Variants in MCPH1 observed in about 807,000 individuals in gnomAD.
The protein encoded by MCPH1 is microcephalin.
MCPH1 carries 104 observed loss-of-function variants against 84.5 expected under a neutral mutation model. That is an observed-to-expected ratio of 1.23 (90% CI 1.05 to 1.45). The LOEUF (loss-of-function observed/expected upper bound fraction) is 1.45, where lower values mean the gene tolerates loss of function less well. MCPH1 is among the 40% of genes most tolerant of loss of function. MCPH1 has a pLI of 0.00. For synonymous variants in MCPH1, 514 were observed against 366.8 expected (o/e 1.40, Z -4.58); for missense variants, 1,498 against 1,005.7 (o/e 1.49, Z -6.62).
At chr8:6,630,755 T>C (rs1797096899) in intron 13 of MCPH1, among the ~76,000 whole-genome samples, 1 of 140,640 alleles carries the variant, frequency 7.1e-6, no homozygotes, top group Admixed American at 7.5e-5. Flanking sequence ...CACTCCAGCC[T>C]GGGCAACTAG....
Position 6,442,155 on chromosome 8 carries a change from A to G in MCPH1, c.669A>G (p.Ser223=). 6.3e-7 allele frequency: 1 copy of G among 1,597,738 alleles called. No individual in the cohort carries two copies. Among genetic ancestry groups the G allele is most frequent in the Non-Finnish European group, 8.6e-7 (1 of 1,165,294 alleles). ...ACATTTCACGTGATACTTTGTGTTC[A>G]GGTAAAATTTTTATTTTCCTTTCTG... ...PLNISRDTLC[S]DEYFAGGLHS... Residue 223 remains serine, a splice_region_variant and synonymous_variant, in exon 7 of 14, where the codon TCA becomes TCG. Coordinates refer to ENST00000344683, the MANE Select transcript of MCPH1 (RefSeq NM_024596.5).
At chr8:6,419,845 T>G (rs1388469223) in intron 3 of MCPH1, among the ~76,000 whole-genome samples, 2 of 152,112 alleles carry the variant, frequency 1.3e-5, no homozygotes, top group African/African-American at 4.8e-5. Flanking sequence ...TTCTTCAGTT[T>G]TGTGTTTGCT....
At chr8:6,581,926 A>G (rs1024812802) in intron 12 of MCPH1, among the ~76,000 whole-genome samples, 1 of 152,162 alleles carries the variant, frequency 6.6e-6, no homozygotes, top group Admixed American at 6.5e-5. Context: ...CCCTTTTATA[A>G]GGACACTAAT....
chr8:6,458,794 G>A (rs901444026), intron 9 of MCPH1, among the ~76,000 whole-genome samples: 1 of 152,136 alleles, frequency 6.6e-6, no homozygotes, highest in African/African-American at 2.4e-5. Context: ...ACAGGCACCC[G>A]CCAGCACGCC....
chr8:6,550,103 A>G (rs1401581058), intron 12 of MCPH1, among the ~76,000 whole-genome samples: 1 of 152,214 alleles, frequency 6.6e-6, no homozygotes, highest in Non-Finnish European at 1.5e-5. Context: ...CTTCAAAAGA[A>G]TTACATTTCA....
chr8:6,574,354 C>G (rs942538724), intron 12 of MCPH1, among the ~76,000 whole-genome samples: 1 of 151,990 alleles, frequency 6.6e-6, no homozygotes, highest in South Asian at 2.1e-4. Flanking sequence ...CCTGTCTACA[C>G]GGCCGTCTTT....
At chr8:6,573,844 C>T (rs1826854772) in intron 12 of MCPH1, among the ~76,000 whole-genome samples, 1 of 152,182 alleles carries the variant, frequency 6.6e-6, no homozygotes, top group South Asian at 2.1e-4. Context: ...ACTACAAGCT[C>T]ACCCTTTTGG....
intron 8 of MCPH1, chr8:6,445,995 A>G (rs1451212643): frequency 2.6e-5 from 25 of 979,204 alleles, no homozygotes; most frequent in Non-Finnish European, 2.8e-5. Context: ...TATCATAGAG[A>G]AAGTGTGAAA....
chr8:6,411,857 C>A (rs560895929), intron 2 of MCPH1, among the ~76,000 whole-genome samples: 1 of 152,150 alleles, frequency 6.6e-6, no homozygotes, highest in Non-Finnish European at 1.5e-5. Context: ...TAGAACTTAA[C>A]CCCCGTGGAT....
At chr8:6,489,346 C>G (rs991265276) in intron 11 of MCPH1, among the ~76,000 whole-genome samples, 18 of 151,874 alleles carry the variant, frequency 1.2e-4, no homozygotes, top group Non-Finnish European at 2.4e-4. Flanking sequence ...GAACGGCTAG[C>G]TAGCAACCTG....
At chr8:6,586,942 C>CA (rs1326936091) in intron 12 of MCPH1, among the ~76,000 whole-genome samples, 2 of 152,178 alleles carry the variant, frequency 1.3e-5, no homozygotes, top group Non-Finnish European at 2.9e-5. Flanking sequence ...GCTCTGCTAA[C>CA]AGAGTGCAGG....
chr8:6,572,118 A>G (rs913413321), intron 12 of MCPH1, among the ~76,000 whole-genome samples: 2 of 152,190 alleles, frequency 1.3e-5, no homozygotes, highest in East Asian at 1.9e-4. Flanking sequence ...AGAAAAGTAA[A>G]TTGTACAAAG....
chr8:6,431,383 G>A (rs1801810745), intron 3 of MCPH1, 116 bp from the exon 4 acceptor site: 1 of 771,366 alleles, frequency 1.3e-6, no homozygotes, highest in Non-Finnish European at 2.2e-6. Flanking sequence ...TTAAAAGTCT[G>A]TTAAAATGAC....
intron 13 of MCPH1, among the ~76,000 whole-genome samples, chr8:6,640,474 A>G (rs1426756611): frequency 6.6e-6 from 1 of 152,172 alleles, no homozygotes; most frequent in East Asian, 1.9e-4. Context: ...GAGTCTGAAT[A>G]TCTTAGATAG....
intron 12 of MCPH1, among the ~76,000 whole-genome samples, chr8:6,521,999 C>G (rs1046041364): frequency 3.3e-5 from 5 of 152,202 alleles, no homozygotes; most frequent in African/African-American, 1.2e-4. Context: ...AATGTCCTCA[C>G]CTGTTAATTA....
chr8:6,416,388 T>C (rs1267669368), intron 3 of MCPH1, among the ~76,000 whole-genome samples: 2 of 152,230 alleles, frequency 1.3e-5, no homozygotes, highest in Non-Finnish European at 2.9e-5. Context: ...GTGTTGTTGC[T>C]CATCTTTGGA....
At chr8:6,566,628 G>A (rs1229291373) in intron 12 of MCPH1, among the ~76,000 whole-genome samples, 4 of 152,090 alleles carry the variant, frequency 2.6e-5, no homozygotes, top group East Asian at 1.9e-4. Context: ...ATGTGTGATC[G>A]GCAAGGCCAT....
chr8:6,504,109 G>A (rs962159362), intron 12 of MCPH1, among the ~76,000 whole-genome samples: 1 of 152,074 alleles, frequency 6.6e-6, no homozygotes, highest in Non-Finnish European at 1.5e-5. Context: ...ACGAGATCAG[G>A]AGACCGAGAC....
intron 12 of MCPH1, among the ~76,000 whole-genome samples, chr8:6,600,017 G>A (rs1315124845): frequency 1.3e-5 from 2 of 152,220 alleles, no homozygotes; most frequent in Non-Finnish European, 2.9e-5. Context: ...TATTTGCTAG[G>A]AAGCGGTCAA....
Sources: gnomAD v4.1 joint callset for allele counts (sites outside exome capture counted in the v4.1 genomes callset) on GRCh38, gnomAD v4.1.1 for gene constraint, MANE v1.5 for transcripts, NCBI Gene and HGNC (gene_info 2026-07-23, HGNC 2026-07-21) for gene names.